Variants in COL22A1 observed in about 807,000 individuals in gnomAD.
The protein encoded by COL22A1 is collagen type XXII alpha 1 chain, also known as collagen alpha-1(XXII) chain.
COL22A1 carries 221 observed loss-of-function variants against 248.9 expected under a neutral mutation model. The observed-to-expected ratio is 0.89, with a 90% CI of 0.80 to 0.99. The LOEUF (loss-of-function observed/expected upper bound fraction) is 0.99. Ranked by LOEUF, COL22A1 falls within the 50% of genes least tolerant of loss-of-function variation. The pLI is 0.00. For synonymous variants in COL22A1, 891 were observed against 793.4 expected, an observed-to-expected ratio of 1.12 and a Z score of -2.07; for missense variants, 2,240 against 2,179.0, an observed-to-expected ratio of 1.03 and a Z score of -0.56.
At chr8:138,817,843 A>G (rs553543772) in intron 7 of COL22A1, among the ~76,000 whole-genome samples, 2 of 152,278 alleles carry the variant, frequency 1.3e-5, no homozygotes, top group African/African-American at 4.8e-5. Flanking sequence ...AACCCTGTGG[A>G]GGGAGGGCTC....
rs779681106 is a variant in COL22A1, at chr8:138,685,189, C to A, written c.2967+19G>T. 2 of 1,528,408 alleles carry A rather than the reference C, an allele frequency of 1.3e-6. No individual in the cohort carries two copies. Among genetic ancestry groups the A allele is most frequent in the Non-Finnish European group, 1.8e-6 (2 of 1,108,084 alleles). The allele number at this position is 1,528,408 out of a possible 1,614,324, so 94.7% of individuals were successfully genotyped here. On this transcript the variant is annotated intron_variant, in intron 38 of 64. Transcript: ENST00000303045. ...CACCTGGTTTCTACAGGCACTGGGACCCCCGACCTTCCACTTACCGGCTCT... is the reference window on the plus strand; with the variant it reads ...CACCTGGTTTCTACAGGCACTGGGAACCCCGACCTTCCACTTACCGGCTCT...
At chr8:138,634,956 T>C (rs370730938) in intron 49 of COL22A1, 54 bp downstream of exon 49, 4 of 1,158,056 alleles carry the variant, frequency 3.5e-6, no homozygotes, top group African/African-American at 3.0e-5. Context: ...TGAGTTGAGA[T>C]GTGCATTCAA....
intron 52 of COL22A1, chr8:138,620,742 G>T (rs1819717014): frequency 6.6e-6 from 1 of 152,216 alleles, no homozygotes; most frequent in Non-Finnish European, 1.5e-5. Context: ...GGCACATAGA[G>T]GTTCAGTCAT....
At chr8:138,653,022 C>G (rs559597411) in intron 45 of COL22A1, among the ~76,000 whole-genome samples, 1 of 152,108 alleles carries the variant, frequency 6.6e-6, no homozygotes, top group Non-Finnish European at 1.5e-5. Flanking sequence ...GCTGGGATTA[C>G]AGGCATGAGC....
chr8:138,760,352 G>A, intron 17 of COL22A1, 65 bp from the exon 18 acceptor site: 1 of 1,474,878 alleles, frequency 6.8e-7, no homozygotes, highest in Non-Finnish European at 9.2e-7. Context: ...GGGTGTTGGG[G>A]AGAAACAGGT....
chr8:138,847,140 G>A (rs1821304107), intron 3 of COL22A1, among the ~76,000 whole-genome samples: 1 of 152,196 alleles, frequency 6.6e-6, no homozygotes, highest in Non-Finnish European at 1.5e-5. Flanking sequence ...GTCTCCCCAG[G>A]GAGTGGGAGT....
intron 48 of COL22A1, among the ~76,000 whole-genome samples, chr8:138,635,649 G>A (rs1345330174): frequency 6.6e-6 from 1 of 151,966 alleles, no homozygotes; most frequent in Non-Finnish European, 1.5e-5. Context: ...CTAACACTTA[G>A]TCTTGTACAA....
intron 2 of COL22A1, among the ~76,000 whole-genome samples, chr8:138,881,501 C>T (rs1824206286): frequency 6.6e-6 from 1 of 151,982 alleles, no homozygotes; most frequent in Non-Finnish European, 1.5e-5. Flanking sequence ...TTGGCTAACA[C>T]GGTGAAACCC....
At chr8:138,707,022 A>G (rs943066617) in intron 30 of COL22A1, among the ~76,000 whole-genome samples, 5 of 152,218 alleles carry the variant, frequency 3.3e-5, no homozygotes, top group Admixed American at 3.3e-4. Context: ...TATGCAGATA[A>G]ACTAGAAAAT....
rs565345855 is a variant in COL22A1, at chr8:138,651,511, T to C, written c.3334-1733A>G. Among the ~76,000 whole-genome samples, 14 of 152,274 alleles carry C rather than the reference T, an allele frequency of 9.2e-5. 1 individual carries two copies. The South Asian group carries it at 2.9e-3, about 32-fold the overall frequency. ...TTTAGTGGTTAGTTTGCAAAGCTGA[T>C]TGGATTATTTGGAGGATGGAAAGAG... On this transcript the variant is annotated intron_variant, in intron 45 of 64. Coordinates refer to ENST00000303045, the MANE Select transcript of COL22A1 (RefSeq NM_152888.3).
chr8:138,673,592 C>T (rs991235563), intron 41 of COL22A1, among the ~76,000 whole-genome samples: 5 of 152,128 alleles, frequency 3.3e-5, no homozygotes, highest in Admixed American at 1.3e-4. Flanking sequence ...CCCATCCTGC[C>T]GAAGCCACAA....
chr8:138,903,497 G>C (rs896206473), intron 1 of COL22A1, among the ~76,000 whole-genome samples: 4 of 152,142 alleles, frequency 2.6e-5, no homozygotes, highest in Non-Finnish European at 5.9e-5. Flanking sequence ...TGGAGTTGGA[G>C]AGAAAAGCGG....
At chr8:138,769,215 C>T (rs570353219) in intron 16 of COL22A1, among the ~76,000 whole-genome samples, 2 of 152,294 alleles carry the variant, frequency 1.3e-5, no homozygotes, top group African/African-American at 2.4e-5. Flanking sequence ...CAGTGATGCT[C>T]ATGACATGAA....
chr8:138,691,726 A>G (rs1204651132), intron 35 of COL22A1, among the ~76,000 whole-genome samples: 105 of 4,866 alleles, frequency 0.022, no homozygotes, highest in East Asian at 0.045. Flanking sequence ...ATGTGTGTAC[A>G]TGTGAGTGTG....
At chr8:138,695,716 G>A (rs886333571) in intron 32 of COL22A1, among the ~76,000 whole-genome samples, 2 of 152,110 alleles carry the variant, frequency 1.3e-5, no homozygotes, top group African/African-American at 4.8e-5. Context: ...CACTTCCAGG[G>A]AGCCACATCC....
At chr8:138,692,852 A>T (rs1274469664) in intron 35 of COL22A1, among the ~76,000 whole-genome samples, 1 of 152,092 alleles carries the variant, frequency 6.6e-6, no homozygotes, top group Non-Finnish European at 1.5e-5. Context: ...CCACTGTGGC[A>T]TCCACACTGG....
intron 22 of COL22A1, among the ~76,000 whole-genome samples, chr8:138,742,599 T>A (rs573198283): frequency 1.3e-3 from 194 of 152,178 alleles, no homozygotes; most frequent in Non-Finnish European, 2.2e-3. Context: ...ATGGTGATGG[T>A]GATGGTGGAG....
intron 59 of COL22A1, among the ~76,000 whole-genome samples, chr8:138,602,390 C>T (rs1818097421): frequency 6.6e-6 from 1 of 152,154 alleles, no homozygotes; most frequent in South Asian, 2.1e-4. Context: ...TGGCACCAGC[C>T]CTGGGTTGGC....
intron 32 of COL22A1, 89 bp downstream of exon 32, chr8:138,700,023 C>A (rs1417756473): frequency 2.4e-6 from 3 of 1,249,778 alleles, no homozygotes; most frequent in Non-Finnish European, 3.5e-6. Context: ...TGAGTCCTCA[C>A]CCCACCCAGT....
Sources: allele counts gnomAD v4.1 joint callset (sites outside exome capture counted in the v4.1 genomes callset), GRCh38; gene constraint gnomAD v4.1.1; transcripts MANE v1.5; gene names NCBI Gene and HGNC (gene_info 2026-07-23, HGNC 2026-07-21).